QSOX2: variants seen among roughly 807,000 people sequenced by gnomAD.
The protein encoded by QSOX2 is sulfhydryl oxidase 2.
In QSOX2, 46 loss-of-function variants were observed where a neutral mutation model predicts 61.7. The observed-to-expected ratio is 0.75, with a 90% confidence interval of 0.59 to 0.95. QSOX2 has a LOEUF of 0.95. QSOX2 is among the 40% of genes least tolerant of loss of function. The pLI is 0.00. For missense variants in QSOX2, 879 were observed against 918.9 expected (o/e 0.96, Z 0.56); for synonymous variants, 383 against 388.4 (o/e 0.99, Z 0.16).
intron 1 of QSOX2, among the ~76,000 whole-genome samples, chr9:136,231,268 G>A (rs182113418): frequency 6.6e-6 from 1 of 152,144 alleles, no homozygotes; most frequent in Non-Finnish European, 1.5e-5. Flanking sequence ...TCCGACTAGC[G>A]TGTGACCAGA....
chr9:136,228,588 C>T (rs931600042), intron 1 of QSOX2, among the ~76,000 whole-genome samples: 1 of 152,200 alleles, frequency 6.6e-6, no homozygotes, highest in African/African-American at 2.4e-5. Context: ...TGCTGGCTAT[C>T]CTGGAGCCTG....
At position 136,226,809 on chromosome 9, in the gene QSOX2, G is replaced by A. The variant is rs1430632467; in HGVS notation, c.394C>T (p.His132Tyr). The change falls in exon 2 of 12, where the codon CAT becomes TAT. Residue 132 changes from histidine to tyrosine, a missense_variant. By Grantham distance (83) the His-to-Tyr change is moderately conservative. Coordinates refer to ENST00000358701, the MANE Select transcript of QSOX2 (RefSeq NM_181701.4). ...CMEEKNQAVCHDYDIHFYPTF... is the reference protein window; with the variant it reads ...CMEEKNQAVCYDYDIHFYPTF... ...GGGTAGAAGTGGATGTCGTAGTCAT[G>A]GCACACGGCCTGGTTCTTCTCTTCC... 1.2e-6 allele frequency: 2 copies of A among 1,614,072 alleles called. No homozygotes were observed. The highest frequency in any genetic ancestry group is 2.7e-5 in the African/African-American group (2 of 74,926).
intron 10 of QSOX2, among the ~76,000 whole-genome samples, chr9:136,212,893 G>C (rs1831863912): frequency 6.6e-6 from 1 of 152,222 alleles, no homozygotes; most frequent in South Asian, 2.1e-4. Context: ...AATTCTCTTG[G>C]CAGGAGGCTA....
At chr9:136,220,267 AAT>A (rs1161586491) in intron 6 of QSOX2, among the ~76,000 whole-genome samples, 6 of 152,332 alleles carry the variant, frequency 3.9e-5, no homozygotes, top group Admixed American at 2.6e-4. Flanking sequence ...GGGCTCAAGT[AAT>A]CCTCTCATCT....
intron 10 of QSOX2, among the ~76,000 whole-genome samples, chr9:136,211,892 G>T (rs985283702): frequency 2.0e-5 from 3 of 152,232 alleles, no homozygotes; most frequent in African/African-American, 7.2e-5. Flanking sequence ...CTCAGGGGCT[G>T]GTACCAGGGC....
chr9:136,231,591 G>A (rs2131063902), intron 1 of QSOX2, among the ~76,000 whole-genome samples: 1 of 152,354 alleles, frequency 6.6e-6, no homozygotes, highest in African/African-American at 2.4e-5. Context: ...CACATAGGAG[G>A]CCCCTGGCCA....
intron 1 of QSOX2, among the ~76,000 whole-genome samples, chr9:136,243,345 C>T (rs902745249): frequency 1.3e-5 from 2 of 152,178 alleles, no homozygotes; most frequent in African/African-American, 4.8e-5. Context: ...GAGACATTTA[C>T]CCTCTATTCT....
In QSOX2 at chr9:136,208,881, G is replaced by A. The variant is rs766875883; in HGVS notation, c.1944C>T (p.Ala648=). Residue 648 remains alanine (A), a synonymous_variant, in exon 12 of 12, where the codon GCC becomes GCT. Transcript: ENST00000358701. ...AGAAGTCAACCCCGAGGAAGGGTGCGGCCCCGCCCACCTCCTTGTGGGCCC... is the reference window on the plus strand; with the variant it reads ...AGAAGTCAACCCCGAGGAAGGGTGCAGCCCCGCCCACCTCCTTGTGGGCCC... The part of the protein sequence containing the change: ...GPGAHKEVGG[A]APFLGVDFSS... 9.9e-6 allele frequency: 16 copies of A among 1,613,864 alleles called. No individual in the cohort carries two copies. Among genetic ancestry groups the A allele is most frequent in the Admixed American group, 5.0e-5 (3 of 60,004 alleles).
rs552122631 is a variant in QSOX2 at position 136,229,260 on chromosome 9, G to C, written c.329-2386C>G. On this transcript the variant is annotated intron_variant, in intron 1 of 11. Coordinates refer to ENST00000358701, the MANE Select transcript of QSOX2 (RefSeq NM_181701.4). ...CCTTGCCCAAGCCTCAGACCACATG[G>C]AACTGAGGAAGAAGGGTTCATGCTC... is the stretch of plus-strand genomic sequence containing the variant. Among the ~76,000 whole-genome samples the C allele has an allele frequency of 3.3e-5, 5 of 152,318 alleles. No homozygotes were observed. The South Asian group carries it at 8.3e-4, about 25-fold the overall frequency.
Position 136,209,343 on chromosome 9 carries a change from C to A in QSOX2, c.1550-68G>T. On this transcript the variant is annotated intron_variant, in intron 11 of 11. Coordinates refer to ENST00000358701, the MANE Select transcript of QSOX2 (RefSeq NM_181701.4). The surrounding 1 kb of genome is among the most constrained non-coding windows in gnomAD (Gnocchi z 5.6). ...TTGTGCAGCCACGTGCAGCGTGCGG[C>A]AACCGGACTCCCACTCCCACCCACC... 1 of 1,555,116 alleles carries A rather than the reference C, an allele frequency of 6.4e-7. No individual in the cohort carries two copies. Among genetic ancestry groups the A allele is most frequent in the Non-Finnish European group, 8.7e-7 (1 of 1,148,804 alleles).
chr9:136,221,201 A>G lies in QSOX2; in HGVS notation c.821+595T>C, dbSNP rs375832873. Among the ~76,000 whole-genome samples, 6 of 146,054 alleles carry G rather than the reference A, an allele frequency of 4.1e-5. No individual in the cohort carries two copies. The highest frequency in any genetic ancestry group is 6.0e-5 in the Non-Finnish European group (4 of 67,056). On this transcript the variant is annotated intron_variant, in intron 6 of 11. Coordinates refer to ENST00000358701, the MANE Select transcript of QSOX2 (RefSeq NM_181701.4). The surrounding 1 kb of genome is among the most constrained non-coding windows in gnomAD (Gnocchi z 4.5). ...GCACACGGGCACCCCACGCAGGGGC[A>G]AAGGGCTTATCCTCATGAGGGGCAC...
chr9:136,230,203 C>T (rs1830317880), intron 1 of QSOX2, among the ~76,000 whole-genome samples: 1 of 152,196 alleles, frequency 6.6e-6, no homozygotes, highest in South Asian at 2.1e-4. Flanking sequence ...GGCATGAACC[C>T]GGGAGGAGGA....
chr9:136,215,127 C>T, intron 10 of QSOX2, 27 bp downstream of exon 10: 1 of 1,609,650 alleles, frequency 6.2e-7, no homozygotes, highest in Non-Finnish European at 8.5e-7. Context: ...ACCATCGGCC[C>T]CTCTGGCCTG....
intron 1 of QSOX2, among the ~76,000 whole-genome samples, chr9:136,241,912 C>A (rs570536403): frequency 1.3e-4 from 20 of 152,336 alleles, no homozygotes; most frequent in African/African-American, 4.8e-4. Context: ...GGGACACAGG[C>A]CCTGCCTTTA....
chr9:136,213,919 C>CGCCCAGCCGA (rs1373593823), intron 10 of QSOX2, among the ~76,000 whole-genome samples: 1 of 152,116 alleles, frequency 6.6e-6, no homozygotes, highest in Admixed American at 6.6e-5. Flanking sequence ...ACAGAAGAAC[C>CGCCCAGCCGA]GCCCAGCCGA....
At chr9:136,220,907 T>C (rs1333009883) in intron 6 of QSOX2, among the ~76,000 whole-genome samples, 1 of 152,174 alleles carries the variant, frequency 6.6e-6, no homozygotes, top group Non-Finnish European at 1.5e-5. Context: ...GGGGTCTTAC[T>C]ATGTTGCCCA....
rs1564289040 is a variant in QSOX2 at position 136,211,303 on chromosome 9, G to C, written c.1510C>G (p.Leu504Val). 1 of 1,614,110 alleles carries C rather than the reference G, an allele frequency of 6.2e-7. No homozygotes were observed. ...VKTPDQAILW[L>V]WKKHNMVNGR... ...TTCACCATATTATGCTTCTTCCACA[G>C]CCAGAGGATGGCTTGGTCTGGGGTT... is the stretch of plus-strand genomic sequence containing the variant. Residue 504 changes from leucine (L) to valine (V), a missense_variant, in exon 11 of 12, where the codon CTG becomes GTG. Transcript: ENST00000358701.
intron 10 of QSOX2, 105 bp downstream of exon 10, chr9:136,215,049 C>A: frequency 7.4e-7 from 1 of 1,353,616 alleles, no homozygotes; most frequent in East Asian, 2.5e-5. Context: ...AGTGGCCTGG[C>A]GACATGCTGC....
At chr9:136,214,587 G>A (rs1390861346) in intron 10 of QSOX2, among the ~76,000 whole-genome samples, 1 of 152,190 alleles carries the variant, frequency 6.6e-6, no homozygotes, top group East Asian at 1.9e-4. Context: ...CCTGCTCTCT[G>A]CCCCATGAGG....
Sources: gnomAD v4.1 joint callset for allele counts (sites outside exome capture counted in the v4.1 genomes callset) on GRCh38, gnomAD v4.1.1 for gene constraint, Gnocchi (gnomAD v3.1) non-coding constraint, MANE v1.5 for transcripts, NCBI Gene and HGNC (gene_info 2026-07-23, HGNC 2026-07-21) for gene names.